PHYHIPL: variants seen among roughly 807,000 people sequenced by gnomAD.
PHYHIPL encodes phytanoyl-CoA 2-hydroxylase interacting protein like, also known as phytanoyl-CoA hydroxylase-interacting protein-like.
A neutral mutation model predicts 33.4 loss-of-function variants in PHYHIPL; 9 were observed. The observed-to-expected ratio is 0.27, with a 90% CI of 0.16 to 0.47. The LOEUF (loss-of-function observed/expected upper bound fraction) is 0.47. Ranked by LOEUF, PHYHIPL falls within the 20% of genes least tolerant of loss-of-function variation. PHYHIPL has a pLI of 0.99. For synonymous variants in PHYHIPL, 153 were observed against 154.1 expected (o/e 0.99, Z 0.05); for missense variants, 365 against 460.7 (o/e 0.79, Z 1.90).
chr10:59,240,501 T>TAA (rs202003257), intron 4 of PHYHIPL, among the ~76,000 whole-genome samples: 7 of 144,994 alleles, frequency 4.8e-5, no homozygotes, highest in Non-Finnish European at 6.1e-5. Context: ...GTCTATTTTA[T>TAA]AAAAAAAAAA....
chr10:59,238,686 G>T lies in PHYHIPL; in HGVS notation c.577G>T (p.Glu193Ter), dbSNP rs1840301175. The change falls in exon 4 of 5, where the codon GAA becomes TAA. Residue 193 changes from glutamate (E) to a stop codon, truncating the protein, a stop_gained. Transcript: ENST00000373880. LOFTEE classifies it high-confidence loss of function. The stretch of plus-strand genomic sequence containing the variant: ...TGTTTTTTATCGTAATCAGCACAAA[G>T]AATATTTTGACTATGTTCGGTAAGA... ...FSVFYRNQHK[E>*]YFDYVREHHG... 1 of 1,586,104 alleles carries T rather than the reference G, an allele frequency of 6.3e-7. No homozygotes were observed. The highest frequency in any genetic ancestry group is 8.7e-7 in the Non-Finnish European group (1 of 1,155,356).
chr10:59,212,070 T>C (rs1475946478), intron 1 of PHYHIPL, among the ~76,000 whole-genome samples: 4 of 152,082 alleles, frequency 2.6e-5, no homozygotes, highest in Non-Finnish European at 5.9e-5. Context: ...GGAGTGGGAC[T>C]GTTAGCTTTA....
At chr10:59,214,996 T>A (rs958069333) in intron 1 of PHYHIPL, among the ~76,000 whole-genome samples, 2 of 151,996 alleles carry the variant, frequency 1.3e-5, no homozygotes, top group African/African-American at 4.8e-5. Flanking sequence ...GAGGGCTGGG[T>A]GTTGAAGTAA....
Position 59,245,519 on chromosome 10 carries a change from C to CATG in PHYHIPL, c.1061_1063dup (p.Met354dup). The CATG allele has an allele frequency of 6.2e-7, 1 of 1,614,078 alleles. No homozygotes were observed. Among genetic ancestry groups the CATG allele is most frequent in the Non-Finnish European group, 8.5e-7 (1 of 1,179,970 alleles). On this transcript the variant is annotated inframe_insertion, in exon 5 of 5. Transcript: ENST00000373880. ...TGGCAGAAATCACTGGTCATCAGCT[C>CATG]ATGAGTTTGTCTACTGCAAATGCAA... is the stretch of plus-strand genomic sequence containing the variant.
At position 59,247,708 on chromosome 10, in the gene PHYHIPL, A is replaced by G. The variant is rs1161518891; in HGVS notation, c.*2117A>G. 6.2e-7 allele frequency: 1 copy of G among 1,613,040 alleles called. No individual in the cohort carries two copies. The highest frequency in any genetic ancestry group is 8.5e-7 in the Non-Finnish European group (1 of 1,179,450). On this transcript the variant is annotated 3_prime_UTR_variant, in exon 5 of 5. Coordinates refer to ENST00000373880, the MANE Select transcript of PHYHIPL (RefSeq NM_032439.4). ...CTTATATTCATAATACTCATCTGCC[A>G]TTGGTATCCTATCTTCCTTTTGTGG... is the stretch of plus-strand genomic sequence containing the variant.
intron 1 of PHYHIPL, among the ~76,000 whole-genome samples, chr10:59,204,804 A>G (rs994524606): frequency 5.3e-5 from 8 of 151,694 alleles, no homozygotes; most frequent in South Asian, 2.1e-4. Context: ...TCACTCAACA[A>G]ATATTTATTA....
chr10:59,189,864 G>A (rs1184657521), intron 1 of PHYHIPL, among the ~76,000 whole-genome samples: 1 of 151,808 alleles, frequency 6.6e-6, no homozygotes, highest in East Asian at 1.9e-4. Context: ...AATAAACAAA[G>A]GCTTAAAATC....
Position 59,228,823 on chromosome 10 carries a change from C to T in PHYHIPL, c.107-5481C>T, listed in dbSNP as rs114862271. On this transcript the variant is annotated intron_variant, in intron 1 of 4. Transcript: ENST00000373880. ...ACTACCATCATTACCTTTGCAAACACTCTTTATTTCGATGGAGTCATTTAG... is the reference window on the plus strand; with the variant it reads ...ACTACCATCATTACCTTTGCAAACATTCTTTATTTCGATGGAGTCATTTAG... Among the ~76,000 whole-genome samples, 738 of 152,208 alleles carry T rather than the reference C, an allele frequency of 4.8e-3. 6 individuals are homozygous for T. The highest frequency in any genetic ancestry group is 0.017 in the African/African-American group (700 of 41,546).
At position 59,196,661 on chromosome 10, in the gene PHYHIPL, G is replaced by A. The variant is rs566459938; in HGVS notation, c.106+19702G>A. 2.5e-3 allele frequency among the ~76,000 whole-genome samples: 373 copies of A among 151,964 alleles called. 2 individuals are homozygous for A. Among genetic ancestry groups the A allele is most frequent in the African/African-American group, 8.3e-3 (345 of 41,442 alleles). ...TCTTGATCTCCTGACCTTGTGATCCGTCCGACTTGGCCTCCCAAAGTGTGG... is the reference window on the plus strand; with the variant it reads ...TCTTGATCTCCTGACCTTGTGATCCATCCGACTTGGCCTCCCAAAGTGTGG... On this transcript the variant is annotated intron_variant, in intron 1 of 4. Transcript: ENST00000373880.
intron 1 of PHYHIPL, among the ~76,000 whole-genome samples, chr10:59,185,285 C>T (rs187113574): frequency 0.021 from 3,226 of 152,154 alleles, 88 homozygotes; most frequent in African/African-American, 0.073. Context: ...CCACCGCGCC[C>T]GGCCGAACTC....
chr10:59,223,222 G>A (rs1310792337), intron 1 of PHYHIPL, among the ~76,000 whole-genome samples: 1 of 152,042 alleles, frequency 6.6e-6, no homozygotes. Flanking sequence ...AAATTTGTAC[G>A]GGCCTTTGGC....
At chr10:59,182,604 G>A (rs1838440915) in intron 1 of PHYHIPL, among the ~76,000 whole-genome samples, 2 of 152,170 alleles carry the variant, frequency 1.3e-5, no homozygotes, top group African/African-American at 2.4e-5. Context: ...GCCTTCCAAA[G>A]TGCTGGGACA....
intron 1 of PHYHIPL, among the ~76,000 whole-genome samples, chr10:59,202,560 A>G (rs564896668): frequency 5.3e-5 from 8 of 152,288 alleles, no homozygotes; most frequent in African/African-American, 1.9e-4. Flanking sequence ...CTTATTCTGA[A>G]TGATACCACT....
At chr10:59,202,762 A>G (rs996635204) in intron 1 of PHYHIPL, among the ~76,000 whole-genome samples, 29 of 152,222 alleles carry the variant, frequency 1.9e-4, no homozygotes, top group African/African-American at 7.0e-4. Context: ...TCATATAGCT[A>G]TTAAACAGCA....
intron 1 of PHYHIPL, among the ~76,000 whole-genome samples, chr10:59,205,005 C>T (rs1246057929): frequency 6.6e-6 from 1 of 151,804 alleles, no homozygotes; most frequent in Admixed American, 6.6e-5. Flanking sequence ...GCTGGGATTA[C>T]AGGCACCTAT....
intron 1 of PHYHIPL, among the ~76,000 whole-genome samples, chr10:59,218,043 GTGGCAT>G (rs985326740): frequency 1.3e-5 from 2 of 152,098 alleles, no homozygotes; most frequent in Non-Finnish European, 2.9e-5. Context: ...AAAGTTGCCA[GTGGCAT>G]TGCTCGGAGT....
intron 1 of PHYHIPL, among the ~76,000 whole-genome samples, chr10:59,186,837 T>C (rs185999045): frequency 1.3e-5 from 2 of 152,362 alleles, no homozygotes; most frequent in East Asian, 3.9e-4. Context: ...TTGCTGAAGT[T>C]GCTCATCAGC....
upstream of PHYHIPL, chr10:59,176,605 C>A (rs545681590): frequency 0.013 from 4,174 of 331,468 alleles, 46 homozygotes; most frequent in Non-Finnish European, 0.016. Flanking sequence ...CGGGAGCGCG[C>A]GCCTCCCATC....
At chr10:59,196,767 TA>T (rs1286986371) in intron 1 of PHYHIPL, among the ~76,000 whole-genome samples, 8 of 152,196 alleles carry the variant, frequency 5.3e-5, no homozygotes, top group Admixed American at 5.2e-4. Context: ...AAAAAAGTTT[TA>T]AGAATAGATT....
Sources: allele counts gnomAD v4.1 joint callset (sites outside exome capture counted in the v4.1 genomes callset), GRCh38; gene constraint gnomAD v4.1.1; transcripts MANE v1.5; gene names NCBI Gene and HGNC (gene_info 2026-07-23, HGNC 2026-07-21).